SYT2: variants seen among roughly 807,000 people sequenced by gnomAD.
SYT2 encodes synaptotagmin-2.
In SYT2, 15 loss-of-function variants were observed where a neutral mutation model predicts 39.9. The observed-to-expected ratio is 0.38, with a 90% CI of 0.25 to 0.58. The LOEUF (loss-of-function observed/expected upper bound fraction) is 0.58, where lower values mean the gene tolerates loss of function less well. SYT2 is among the 20% of genes least tolerant of loss of function. The pLI is 0.70. For missense variants in SYT2, 389 were observed against 530.3 expected (o/e 0.73, Z 2.62); for synonymous variants, 181 against 204.5 (o/e 0.89, Z 0.98).
chr1:202,608,652 T>G (rs907001813), intron 1 of SYT2, among the ~76,000 whole-genome samples: 3 of 152,256 alleles, frequency 2.0e-5, no homozygotes, highest in African/African-American at 7.2e-5. Context: ...ATTTTATAAC[T>G]AAATATAGCT....
At chr1:202,636,935 A>C (rs1256666256) in intron 1 of SYT2, among the ~76,000 whole-genome samples, 1 of 152,212 alleles carries the variant, frequency 6.6e-6, no homozygotes, top group Non-Finnish European at 1.5e-5. Flanking sequence ...GAATACAGGC[A>C]ACCTAGCCCT....
intron 1 of SYT2, among the ~76,000 whole-genome samples, chr1:202,676,299 C>T (rs1653372873): frequency 6.6e-6 from 1 of 152,166 alleles, no homozygotes; most frequent in South Asian, 2.1e-4. Flanking sequence ...GCCATCCTGG[C>T]CTGGAGGAGC....
At chr1:202,655,527 C>T (rs1184170407) in intron 1 of SYT2, among the ~76,000 whole-genome samples, 2 of 152,208 alleles carry the variant, frequency 1.3e-5, no homozygotes, top group South Asian at 2.1e-4. Flanking sequence ...CGTTTACGCA[C>T]TGTGCTGGGT....
In SYT2 at chr1:202,672,898, TAAAAAG is replaced by T. The variant is rs569401021; in HGVS notation, c.-18+37354_-18+37359del. 4.5e-3 allele frequency among the ~76,000 whole-genome samples: 649 copies of T among 145,526 alleles called. 4 individuals are homozygous for T. Among genetic ancestry groups the T allele is most frequent in the African/African-American group, 0.016 (615 of 39,564 alleles). ...CCAACAAATCCCAAGCAGCAAAAAA[TAAAAAG>T]AAAGTCATGTCTAGACATATCACAG... On this transcript the variant is annotated intron_variant, in intron 1 of 8. Transcript: ENST00000367268.
chr1:202,646,611 C>T (rs867250005), intron 1 of SYT2, among the ~76,000 whole-genome samples: 38 of 152,334 alleles, frequency 2.5e-4, no homozygotes, highest in African/African-American at 7.9e-4. Flanking sequence ...AACTTCTCTA[C>T]GCCTCAACTT....
intron 1 of SYT2, among the ~76,000 whole-genome samples, chr1:202,690,179 G>A (rs967836778): frequency 2.0e-5 from 3 of 152,036 alleles, no homozygotes; most frequent in Non-Finnish European, 2.9e-5. Flanking sequence ...CGGTCCTACT[G>A]AGCGCCCACC....
intron 1 of SYT2, among the ~76,000 whole-genome samples, chr1:202,619,375 G>A (rs546201389): frequency 6.6e-6 from 1 of 152,322 alleles, no homozygotes; most frequent in South Asian, 2.1e-4. Context: ...GGAGGCTGGG[G>A]GTGGGGAGAG....
chr1:202,604,793 T>C (rs1260662578), intron 2 of SYT2, among the ~76,000 whole-genome samples, 172 bp from the exon 3 acceptor site: 1 of 150,494 alleles, frequency 6.6e-6, no homozygotes, highest in Non-Finnish European at 1.5e-5. Flanking sequence ...GCATATACTT[T>C]GCATGCCTTT....
Position 202,624,444 on chromosome 1 carries a change from G to A in SYT2, c.-17-18655C>T, listed in dbSNP as rs118115387. 6.8e-3 allele frequency among the ~76,000 whole-genome samples: 1,032 copies of A among 151,788 alleles called. 14 individuals are homozygous for A. The highest frequency in any genetic ancestry group is 0.063 in the East Asian group (325 of 5,172). ...TTTGTGTGGGATGTGTGTGTAATAC[G>A]TGTATGTGTTGTGGTCTGTTGTGTG... is the stretch of plus-strand genomic sequence containing the variant. On this transcript the variant is annotated intron_variant, in intron 1 of 8. Coordinates refer to ENST00000367268, the MANE Select transcript of SYT2 (RefSeq NM_177402.5).
intron 5 of SYT2, 128 bp from the exon 6 acceptor site, chr1:202,602,185 G>A (rs934806576): frequency 2.0e-5 from 14 of 709,792 alleles, no homozygotes; most frequent in African/African-American, 1.3e-4. Context: ...AAAGACCAAG[G>A]CTTTTGGGGA....
chr1:202,613,519 A>G (rs1391899528), intron 1 of SYT2, among the ~76,000 whole-genome samples: 4 of 152,250 alleles, frequency 2.6e-5, no homozygotes, highest in African/African-American at 9.6e-5. Context: ...TGCCGTGGCT[A>G]GAACTTCCAG....
chr1:202,639,610 C>A (rs1691844759), intron 1 of SYT2: 1 of 985,392 alleles, frequency 1.0e-6, no homozygotes, highest in Non-Finnish European at 1.2e-6. Context: ...TTCCTCATGA[C>A]TAACCTTGAA....
intron 1 of SYT2, among the ~76,000 whole-genome samples, chr1:202,624,325 G>T (rs535764116): frequency 6.7e-6 from 1 of 149,778 alleles, no homozygotes; most frequent in African/African-American, 2.5e-5. Context: ...TGGGTTAGGG[G>T]TGGAGGCTCT....
In SYT2 at chr1:202,596,742, C is replaced by T; in HGVS notation, c.*15G>A. ...TCAGTGTCCGTGAAAGGTGTGGGGT[C>T]CCAGCCGCTGCTGTCTACTTGTTCT... On this transcript the variant is annotated 3_prime_UTR_variant, in exon 9 of 9. Transcript: ENST00000367268. The T allele has an allele frequency of 6.2e-7, 1 of 1,609,362 alleles. No homozygotes were observed. Among genetic ancestry groups the T allele is most frequent in the East Asian group, 2.2e-5 (1 of 44,776 alleles).
In SYT2 at chr1:202,599,173, C is replaced by T; in HGVS notation, c.1053+45G>A. The T allele has an allele frequency of 2.5e-6, 4 of 1,603,372 alleles. No homozygotes were observed. The highest frequency in any genetic ancestry group is 3.4e-6 in the Non-Finnish European group (4 of 1,176,796). On this transcript the variant is annotated intron_variant, in intron 8 of 8. Transcript: ENST00000367268. The surrounding 1 kb of genome is among the most constrained non-coding windows in gnomAD (Gnocchi z 4.4). ...CTTCAACCTCCCCATACATGTTTGC[C>T]TCCCCAAACCCTGCTCCATGCCTAG...
At position 202,623,288 on chromosome 1, in the gene SYT2, C is replaced by T. The variant is rs1311599265; in HGVS notation, c.-17-17499G>A. ...GCAGCACGGCGCACTCTAGCCAAGACGGAGAAGCTGCTGAGTCACAGTCCA... is the reference window on the plus strand; with the variant it reads ...GCAGCACGGCGCACTCTAGCCAAGATGGAGAAGCTGCTGAGTCACAGTCCA... On this transcript the variant is annotated intron_variant, in intron 1 of 8. Coordinates refer to ENST00000367268, the MANE Select transcript of SYT2 (RefSeq NM_177402.5). The surrounding 1 kb of genome is among the most constrained non-coding windows in gnomAD (Gnocchi z 4.2). Among the ~76,000 whole-genome samples the T allele has an allele frequency of 2.0e-5, 3 of 152,236 alleles. No individual in the cohort carries two copies. Among genetic ancestry groups the T allele is most frequent in the Admixed American group, 6.5e-5 (1 of 15,294 alleles).
At chr1:202,650,020 A>C (rs2149101574) in intron 1 of SYT2, among the ~76,000 whole-genome samples, 1 of 152,314 alleles carries the variant, frequency 6.6e-6, no homozygotes, top group South Asian at 2.1e-4. Context: ...CTTTTCCCGG[A>C]CATGGGGAGC....
At chr1:202,690,371 A>G (rs934265281) in intron 1 of SYT2, among the ~76,000 whole-genome samples, 7 of 152,238 alleles carry the variant, frequency 4.6e-5, no homozygotes, top group African/African-American at 1.4e-4. Context: ...TTGATGTAGC[A>G]GAGGTGGCTG....
intron 1 of SYT2, among the ~76,000 whole-genome samples, chr1:202,675,076 G>T (rs1379442133): frequency 6.6e-6 from 1 of 152,162 alleles, no homozygotes; most frequent in Non-Finnish European, 1.5e-5. Flanking sequence ...CCTGAACAGT[G>T]CTGGGTGCAC....
Sources: allele counts gnomAD v4.1 joint callset (sites outside exome capture counted in the v4.1 genomes callset), GRCh38; gene constraint gnomAD v4.1.1; non-coding constraint Gnocchi (gnomAD v3.1); transcripts MANE v1.5; gene names NCBI Gene and HGNC (gene_info 2026-07-23, HGNC 2026-07-21).